Variants in ASB3 observed in about 807,000 individuals in gnomAD.
ASB3 encodes the protein ankyrin repeat and SOCS box protein 3.
In ASB3, 41 loss-of-function variants were observed where a neutral mutation model predicts 54.5. That is an observed-to-expected ratio of 0.75 (90% CI 0.59 to 0.98). The LOEUF is 0.98. ASB3 is among the 50% of genes least tolerant of loss of function. The pLI, the probability that ASB3 is intolerant of heterozygous loss-of-function variation, is 0.00. For missense variants in ASB3, 733 were observed against 620.0 expected, an observed-to-expected ratio of 1.18 and a Z score of -1.94; for synonymous variants, 266 against 221.2, an observed-to-expected ratio of 1.20 and a Z score of -1.80.
intron 3 of ASB3, among the ~76,000 whole-genome samples, chr2:53,744,152 G>T (rs543295551): frequency 8.6e-5 from 13 of 151,992 alleles, no homozygotes; most frequent in African/African-American, 3.1e-4. Context: ...CGAGGCAGGT[G>T]GACTGCGAGG....
chr2:53,779,728 T>A (rs761215475), intron 1 of ASB3, among the ~76,000 whole-genome samples: 26 of 152,214 alleles, frequency 1.7e-4, no homozygotes, highest in Non-Finnish European at 3.7e-4. Context: ...TGAGCCACTA[T>A]GCCCAGTCCA....
At chr2:53,758,543 T>C (rs570479702) in intron 2 of ASB3, among the ~76,000 whole-genome samples, 1 of 152,272 alleles carries the variant, frequency 6.6e-6, no homozygotes, top group East Asian at 1.9e-4. Flanking sequence ...CCAGCCCAGC[T>C]CTAGAACTCA....
At chr2:53,766,091 G>C (rs1244121793) in intron 1 of ASB3, among the ~76,000 whole-genome samples, 1 of 152,192 alleles carries the variant, frequency 6.6e-6, no homozygotes. Context: ...TGAAAGATAG[G>C]TGTCATTCTA....
intron 5 of ASB3, among the ~76,000 whole-genome samples, chr2:53,719,969 T>A (rs182980201): frequency 6.6e-6 from 1 of 152,136 alleles, no homozygotes; most frequent in Non-Finnish European, 1.5e-5. Flanking sequence ...CTGCCTCCTA[T>A]TCTATTCCTA....
chr2:53,729,983 T>C (rs184779692), intron 3 of ASB3, among the ~76,000 whole-genome samples: 1 of 152,186 alleles, frequency 6.6e-6, no homozygotes, highest in Non-Finnish European at 1.5e-5. Flanking sequence ...AAAGAGTAAC[T>C]GACAAAATGA....
intron 7 of ASB3, among the ~76,000 whole-genome samples, chr2:53,706,956 C>T (rs1029700681): frequency 7.2e-5 from 11 of 152,196 alleles, no homozygotes; most frequent in Non-Finnish European, 1.6e-4. Flanking sequence ...CTGGGTTGTC[C>T]GTTCCAGAAA....
At chr2:53,700,204 C>T in intron 8 of ASB3, 67 bp downstream of exon 8, 13 of 1,547,526 alleles carry the variant, frequency 8.4e-6, no homozygotes, top group Non-Finnish European at 1.1e-5. Context: ...GGGATCTCAA[C>T]TGAAGGAAAT....
chr2:53,710,970 C>CA (rs36014909), intron 7 of ASB3, among the ~76,000 whole-genome samples: 68 of 147,256 alleles, frequency 4.6e-4, no homozygotes, highest in Admixed American at 7.5e-4. Context: ...ACAAAAAATA[C>CA]AAAAAAAAAA....
intron 1 of ASB3, 148 bp from the exon 2 acceptor site, chr2:53,765,733 A>G: frequency 1.1e-6 from 1 of 945,806 alleles, no homozygotes; most frequent in Non-Finnish European, 1.5e-6. Flanking sequence ...GCCATGCCAC[A>G]GTCTCTGCTG....
intron 9 of ASB3, among the ~76,000 whole-genome samples, chr2:53,678,397 G>C (rs926784565): frequency 6.6e-6 from 1 of 152,158 alleles, no homozygotes; most frequent in Non-Finnish European, 1.5e-5. Context: ...GCAGCTCTAC[G>C]ATGATTATGT....
At chr2:53,718,818 C>T (rs1670539682) in intron 5 of ASB3, among the ~76,000 whole-genome samples, 2 of 150,972 alleles carry the variant, frequency 1.3e-5, no homozygotes, top group Admixed American at 6.6e-5. Flanking sequence ...TCAAGAGACA[C>T]GTCTCACATG....
At position 53,670,480 on chromosome 2, in the gene ASB3, C is replaced by T; in HGVS notation, c.*23G>A. ...ATGATTTTTCAGAGAAAAAAATTAG[C>T]TGTGTTAAGTAGTTTCACTGATTTA... On this transcript the variant is annotated 3_prime_UTR_variant, in exon 10 of 10. Transcript: ENST00000263634. The T allele has an allele frequency of 6.3e-7, 1 of 1,598,024 alleles. No individual in the cohort carries two copies. Among genetic ancestry groups the T allele is most frequent in the Non-Finnish European group, 8.5e-7 (1 of 1,176,050 alleles).
chr2:53,714,303 A>G lies in ASB3; in HGVS notation c.980+81T>C, dbSNP rs940177558. ...AGCACTAACAGAGATACTAAGTTTC[A>G]TCGTGAAAGAAAGTCACTTCAAAAC... is the stretch of plus-strand genomic sequence containing the variant. On this transcript the variant is annotated intron_variant, in intron 7 of 9. Coordinates refer to ENST00000263634, the MANE Select transcript of ASB3 (RefSeq NM_016115.5). The G allele has an allele frequency of 1.4e-5, 21 of 1,513,948 alleles. No individual in the cohort carries two copies. In the African/African-American group the frequency reaches 2.5e-4, roughly 18 times the overall value. The allele number at this position is 1,513,948 out of a possible 1,614,324, so 93.8% of individuals were successfully genotyped here. A position where few individuals can be genotyped will look rare whatever the true frequency, so the allele number is the denominator to read the frequency against.
chr2:53,697,214 A>C (rs1311891986), intron 8 of ASB3, among the ~76,000 whole-genome samples: 1 of 152,234 alleles, frequency 6.6e-6, no homozygotes, highest in Non-Finnish European at 1.5e-5. Context: ...TACCAATGCC[A>C]TGGAAACTTC....
At chr2:53,745,577 C>T (rs564335339) in intron 3 of ASB3, among the ~76,000 whole-genome samples, 5 of 152,160 alleles carry the variant, frequency 3.3e-5, no homozygotes, top group Admixed American at 6.5e-5. Context: ...ATCCAACACA[C>T]CTCTCATGTC....
intron 8 of ASB3, among the ~76,000 whole-genome samples, chr2:53,697,735 G>C (rs1669263393): frequency 6.6e-6 from 1 of 152,154 alleles, no homozygotes; most frequent in Non-Finnish European, 1.5e-5. Context: ...CAAAATTCAA[G>C]AGGATTACCT....
intron 7 of ASB3, among the ~76,000 whole-genome samples, chr2:53,704,462 T>C (rs1669662627): frequency 6.6e-6 from 1 of 152,162 alleles, no homozygotes; most frequent in Non-Finnish European, 1.5e-5. Context: ...GTAATTAATT[T>C]AATTAATTTT....
At chr2:53,698,243 G>A (rs1171497619) in intron 8 of ASB3, among the ~76,000 whole-genome samples, 1 of 152,148 alleles carries the variant, frequency 6.6e-6, no homozygotes, top group African/African-American at 2.4e-5. Context: ...CCCTGGGCCT[G>A]TGATGGGAGG....
In ASB3 at chr2:53,682,783, C is replaced by T. The variant is rs12623358; in HGVS notation, c.1369+11101G>A. Among the ~76,000 whole-genome samples, 229 of 152,274 alleles carry T rather than the reference C, an allele frequency of 1.5e-3. 6 individuals are homozygous for T. In the East Asian group the frequency reaches 0.043, roughly 28 times the overall value. On this transcript the variant is annotated intron_variant, in intron 9 of 9. Transcript: ENST00000263634. ...TGAGCCACTGCGCCCAGCCTGTTCA[C>T]TGCTGGCATAAATAAATGCGCCAAT...
Sources: allele counts gnomAD v4.1 joint callset (sites outside exome capture counted in the v4.1 genomes callset), GRCh38; gene constraint gnomAD v4.1.1; transcripts MANE v1.5; gene names NCBI Gene and HGNC (gene_info 2026-07-23, HGNC 2026-07-21).